Variants in YTHDF3 observed in about 807,000 individuals in gnomAD.
YTHDF3 encodes YTH N6-methyladenosine RNA binding protein F3.
A neutral mutation model predicts 52.5 loss-of-function variants in YTHDF3; 9 were observed. The ratio of observed to expected loss-of-function variants is 0.17; its 90% CI spans 0.10 to 0.30. YTHDF3 has a LOEUF of 0.30. YTHDF3 is among the 10% of genes least tolerant of loss of function. The probability of loss-of-function intolerance (pLI) is 1.00; values close to 1 mark genes in which losing one functional copy is unlikely to be tolerated. For missense variants in YTHDF3, 534 were observed against 715.0 expected, an observed-to-expected ratio of 0.75 and a Z score of 2.89; for synonymous variants, 274 against 243.3, an observed-to-expected ratio of 1.13 and a Z score of -1.18.
chr8:63,200,728 A>G (rs1407041314), intron 4 of YTHDF3, among the ~76,000 whole-genome samples: 1 of 152,218 alleles, frequency 6.6e-6, no homozygotes, highest in Non-Finnish European at 1.5e-5. Context: ...GAAAAATTAG[A>G]TTAAAGCCTT....
At chr8:63,195,781 A>T (rs1009684253) in intron 4 of YTHDF3, among the ~76,000 whole-genome samples, 2 of 150,496 alleles carry the variant, frequency 1.3e-5, no homozygotes, top group African/African-American at 4.9e-5. Flanking sequence ...GGCAACATAG[A>T]CCCTGTATTT....
At chr8:63,171,639 A>G (rs780035973) in intron 2 of YTHDF3, among the ~76,000 whole-genome samples, 1 of 152,194 alleles carries the variant, frequency 6.6e-6, no homozygotes, top group Non-Finnish European at 1.5e-5. Context: ...TATTTGAGAA[A>G]AGCTTTTCTG....
intron 1 of YTHDF3, 149 bp downstream of exon 1, chr8:63,169,050 G>C: frequency 1.4e-6 from 2 of 1,425,512 alleles, no homozygotes; most frequent in East Asian, 2.8e-5. Flanking sequence ...TACCCGGGCC[G>C]GGGCGTGCGC....
intron 3 of YTHDF3, among the ~76,000 whole-genome samples, chr8:63,178,170 T>C (rs1807830128): frequency 6.6e-6 from 1 of 152,218 alleles, no homozygotes; most frequent in Non-Finnish European, 1.5e-5. Context: ...TACAATTCTT[T>C]ATTATTTGTC....
In YTHDF3 at chr8:63,186,570, A is replaced by G. The variant is rs1358702676; in HGVS notation, c.559A>G (p.Ile187Val). The G allele has an allele frequency of 1.2e-6, 2 of 1,613,888 alleles. No individual in the cohort carries two copies. The highest frequency in any genetic ancestry group is 1.7e-5 in the Admixed American group (1 of 59,998). ...TLSKVPGISS[I>V]EQGMTGLKIG... Reference sequence around the variant, plus strand: ...GAGTAAGGTGCCTGGCATTAGCAGTATTGAGCAAGGCATGACTGGACTGAA... The same window carrying G: ...GAGTAAGGTGCCTGGCATTAGCAGTGTTGAGCAAGGCATGACTGGACTGAA... The change falls in exon 4 of 5, where the codon ATT becomes GTT. Residue 187 changes from isoleucine to valine, a missense_variant. Around this residue, in one of 3 missense-constraint regions of YTHDF3, gnomAD observed 196 missense variants for 299.5 expected, o/e 0.65. Transcript: ENST00000539294.
At chr8:63,188,678 C>CATATATATATATATATATATAT (rs1166458271) in intron 4 of YTHDF3, 1 of 61,994 alleles carries the variant, frequency 1.6e-5, no homozygotes, top group East Asian at 5.8e-4. Flanking sequence ...TAAGAAATTA[C>CATATATATATATATATATATAT]ATATATATAT....
chr8:63,199,695 C>T (rs377166319), intron 4 of YTHDF3, among the ~76,000 whole-genome samples: 100 of 152,154 alleles, frequency 6.6e-4, no homozygotes, highest in South Asian at 5.4e-3. Context: ...CTGTAGTTAC[C>T]GAAGATAAGA....
chr8:63,207,767 C>G (rs1277587176), intron 4 of YTHDF3, among the ~76,000 whole-genome samples: 1 of 152,098 alleles, frequency 6.6e-6, no homozygotes, highest in Non-Finnish European at 1.5e-5. Flanking sequence ...TAGGGCTCTT[C>G]ATGGAGTTGA....
In YTHDF3 at chr8:63,186,880, C is replaced by T. The variant is rs1001639777; in HGVS notation, c.869C>T (p.Pro290Leu). ...AAAGGGTCAGTGGTAAAGGCTCCAC[C>T]AACCCAACCAGTTCTGCCTCCTCAA... ...DEKGSVVKAP[P>L]TQPVLPPQTI... Residue 290 changes from proline (P) to leucine (L), a missense_variant, in exon 4 of 5, where the codon CCA becomes CTA. Pro to Leu is a moderately conservative substitution (Grantham distance 98, BLOSUM62 -3). Coordinates refer to ENST00000539294, the MANE Select transcript of YTHDF3 (RefSeq NM_152758.6). The T allele has an allele frequency of 6.2e-7, 1 of 1,613,956 alleles. No homozygotes were observed.
intron 2 of YTHDF3, among the ~76,000 whole-genome samples, chr8:63,173,021 A>C (rs1489419715): frequency 6.6e-6 from 1 of 152,020 alleles, no homozygotes; most frequent in Non-Finnish European, 1.5e-5. Flanking sequence ...AAGTACTTTT[A>C]ATTAAACATT....
At chr8:63,186,026 T>C in intron 3 of YTHDF3, 121 bp from the exon 4 acceptor site, 1 of 1,085,900 alleles carries the variant, frequency 9.2e-7, no homozygotes, top group Non-Finnish European at 1.3e-6. Flanking sequence ...TTTGTTTATC[T>C]AGAATAGGTA....
intron 2 of YTHDF3, among the ~76,000 whole-genome samples, chr8:63,174,010 G>A (rs1807520724): frequency 6.6e-6 from 1 of 152,066 alleles, no homozygotes; most frequent in African/African-American, 2.4e-5. Context: ...AGATTTAAGG[G>A]ATTTTGTATA....
Position 63,212,296 on chromosome 8 carries a change from C to G in YTHDF3, c.*2590C>G, listed in dbSNP as rs1002344211. ...CTATACGTATTGGTACTTGAAGATT[C>G]CTTTCAAAAGAAATCCAGCGTTTTC... On this transcript the variant is annotated 3_prime_UTR_variant, in exon 5 of 5. Transcript: ENST00000539294. 3 of 152,562 alleles carry G rather than the reference C, an allele frequency of 2.0e-5. No homozygotes were observed. Among genetic ancestry groups the G allele is most frequent in the Non-Finnish European group, 2.9e-5 (2 of 68,012 alleles). The allele number at this position is 152,562 out of a possible 1,614,324, so 9.5% of individuals were successfully genotyped here.
intron 2 of YTHDF3, among the ~76,000 whole-genome samples, chr8:63,173,935 G>A (rs925204211): frequency 2.6e-5 from 4 of 152,134 alleles, no homozygotes; most frequent in African/African-American, 9.7e-5. Context: ...GTAGTAAGAA[G>A]TCTACTTTGA....
intron 4 of YTHDF3, among the ~76,000 whole-genome samples, chr8:63,207,215 C>CT (rs1433184977): frequency 7.9e-5 from 12 of 152,162 alleles, no homozygotes; most frequent in African/African-American, 2.4e-4. Context: ...GTGGTTTTGA[C>CT]TTTAAGTCCA....
chr8:63,195,689 G>A (rs371888111), intron 4 of YTHDF3, among the ~76,000 whole-genome samples: 3 of 152,014 alleles, frequency 2.0e-5, no homozygotes, highest in African/African-American at 7.2e-5. Context: ...GAGCCCAGGA[G>A]TTGAAGACTA....
At chr8:63,175,486 G>A in intron 3 of YTHDF3, 70 bp downstream of exon 3, 1 of 1,226,162 alleles carries the variant, frequency 8.2e-7, no homozygotes, top group Non-Finnish European at 1.2e-6. Flanking sequence ...TTTTCAAATA[G>A]ATTATTTAAT....
At chr8:63,179,967 C>CG (rs1282222225) in intron 3 of YTHDF3, among the ~76,000 whole-genome samples, 5 of 145,822 alleles carry the variant, frequency 3.4e-5, no homozygotes, top group African/African-American at 1.3e-4. Context: ...GCTGGCCGGG[C>CG]GGGGGGCTGA....
chr8:63,187,604 T>C lies in YTHDF3; in HGVS notation c.1593T>C (p.Asn531=), dbSNP rs1218220515. The change falls in exon 4 of 5, where the codon AAT becomes AAC. Residue 531 remains asparagine (N), a synonymous_variant. Transcript: ENST00000539294. The part of the protein sequence containing the change: ...LENNDNKPVT[N]SRDTQEVPLE... ...ATAATGACAACAAACCGGTTACCAA[T>C]TCAAGGGACACTCAAGAGGTACCCC... 3.1e-6 allele frequency: 5 copies of C among 1,613,050 alleles called. No homozygotes were observed. Among genetic ancestry groups the C allele is most frequent in the Non-Finnish European group, 4.2e-6 (5 of 1,179,464 alleles).
Sources: gnomAD v4.1 joint callset for allele counts (sites outside exome capture counted in the v4.1 genomes callset) on GRCh38, gnomAD v4.1.1 for gene constraint, gnomAD v4.1.1 regional missense constraint, MANE v1.5 for transcripts, NCBI Gene and HGNC (gene_info 2026-07-23, HGNC 2026-07-21) for gene names.